PTPRG: variants seen among roughly 807,000 people sequenced by gnomAD.
PTPRG encodes receptor-type tyrosine-protein phosphatase gamma.
In PTPRG, 102 loss-of-function variants were observed where a neutral mutation model predicts 165.3. The ratio of observed to expected loss-of-function variants is 0.62; its 90% CI spans 0.53 to 0.73. The LOEUF is 0.73. Among genes scored for constraint, PTPRG ranks in the 30% least tolerant of loss-of-function variants. The probability of loss-of-function intolerance (pLI) is 0.00; values close to 1 mark genes in which losing one functional copy is unlikely to be tolerated. For synonymous variants in PTPRG, 675 were observed against 669.5 expected (o/e 1.01, Z -0.13); for missense variants, 1,866 against 1,861.4 (o/e 1.00, Z -0.05).
chr3:62,129,739 A>G (rs79082051), intron 5 of PTPRG, among the ~76,000 whole-genome samples: 1 of 152,226 alleles, frequency 6.6e-6, no homozygotes, highest in Non-Finnish European at 1.5e-5. Context: ...TTGGGGATAC[A>G]TTCAAACCAT....
At chr3:62,142,032 A>G (rs1703950458) in intron 6 of PTPRG, among the ~76,000 whole-genome samples, 4 of 151,254 alleles carry the variant, frequency 2.6e-5, no homozygotes, top group African/African-American at 9.7e-5. Context: ...AGAATAGAAC[A>G]TTTCACCACG....
intron 1 of PTPRG, among the ~76,000 whole-genome samples, chr3:61,580,232 A>T (rs1460709538): frequency 6.6e-6 from 1 of 152,142 alleles, no homozygotes; most frequent in Non-Finnish European, 1.5e-5. Context: ...GTCGGAGCCC[A>T]GGAGTTTGCA....
At chr3:61,838,682 C>G (rs886477052) in intron 2 of PTPRG, among the ~76,000 whole-genome samples, 2 of 152,150 alleles carry the variant, frequency 1.3e-5, no homozygotes, top group African/African-American at 4.8e-5. Flanking sequence ...AGTTTTATTT[C>G]AATAACACTG....
intron 1 of PTPRG, among the ~76,000 whole-genome samples, chr3:61,611,470 A>G (rs956038611): frequency 4.7e-4 from 71 of 152,142 alleles, no homozygotes; most frequent in African/African-American, 1.7e-3. Flanking sequence ...GACTTTATGT[A>G]TGTTGTGCCA....
rs570020848 is a variant in PTPRG, at chr3:61,746,109, C to T, written c.86-2769C>T. Among the ~76,000 whole-genome samples, 411 of 148,132 alleles carry T rather than the reference C, an allele frequency of 2.8e-3. 1 individual carries two copies. The highest frequency in any genetic ancestry group is 3.2e-3 in the Non-Finnish European group (215 of 67,490). ...TGTTGCCCAGGCTGGAGTGGAGTGG[C>T]ACAATCACGGCTCACTTGAGCCTCC... On this transcript the variant is annotated intron_variant, in intron 1 of 29. Coordinates refer to ENST00000474889, the MANE Select transcript of PTPRG (RefSeq NM_002841.4).
intron 4 of PTPRG, among the ~76,000 whole-genome samples, chr3:62,022,211 T>TAG (rs1453673712): frequency 1.3e-5 from 2 of 152,210 alleles, no homozygotes; most frequent in African/African-American, 4.8e-5. Flanking sequence ...ACTATGTATG[T>TAG]TATAGGTGAC....
chr3:61,904,374 G>A (rs2038587505), intron 2 of PTPRG, among the ~76,000 whole-genome samples: 1 of 152,176 alleles, frequency 6.6e-6, no homozygotes, highest in African/African-American at 2.4e-5. Context: ...CTCTAAAGCA[G>A]GGTCAGTGGT....
At chr3:61,887,039 A>T (rs1041719928) in intron 2 of PTPRG, among the ~76,000 whole-genome samples, 1 of 149,346 alleles carries the variant, frequency 6.7e-6, no homozygotes, top group Non-Finnish European at 1.5e-5. Flanking sequence ...CGCCACTAGT[A>T]AGAGGAAACA....
intron 2 of PTPRG, among the ~76,000 whole-genome samples, chr3:61,819,064 TAAGG>T (rs1281592906): frequency 2.0e-5 from 3 of 152,140 alleles, no homozygotes; most frequent in Admixed American, 2.0e-4. Flanking sequence ...TCTGTCACTA[TAAGG>T]AAAGGAAAAT....
chr3:62,021,482 A>G (rs541155523), intron 4 of PTPRG, among the ~76,000 whole-genome samples: 1 of 152,320 alleles, frequency 6.6e-6, no homozygotes, highest in East Asian at 1.9e-4. Flanking sequence ...AGCCAAAAAT[A>G]TATGTTTATG....
intron 1 of PTPRG, among the ~76,000 whole-genome samples, chr3:61,614,868 T>A (rs571743108): frequency 2.0e-5 from 3 of 152,238 alleles, no homozygotes; most frequent in Admixed American, 6.5e-5. Context: ...TTATTATGTC[T>A]GCCCTTTGGA....
intron 12 of PTPRG, among the ~76,000 whole-genome samples, chr3:62,209,488 A>G (rs960210250): frequency 1.1e-4 from 17 of 152,266 alleles, no homozygotes; most frequent in Non-Finnish European, 1.5e-4. Flanking sequence ...TCATGAATGC[A>G]GTACCCAGCT....
At chr3:61,611,661 A>G (rs1394231927) in intron 1 of PTPRG, among the ~76,000 whole-genome samples, 1 of 152,204 alleles carries the variant, frequency 6.6e-6, no homozygotes, top group East Asian at 1.9e-4. Context: ...TAAAGAGCCC[A>G]ATAGACATTT....
In PTPRG at chr3:61,984,782, A is replaced by G. The variant is rs1250865771; in HGVS notation, c.191-4843A>G. ...CAATCTAGAGCACCACATTCTATTT[A>G]TTGTCTGTGTCTCCTTAATCTTCTC... On this transcript the variant is annotated intron_variant, in intron 2 of 29. Coordinates refer to ENST00000474889, the MANE Select transcript of PTPRG (RefSeq NM_002841.4). 2.6e-5 allele frequency among the ~76,000 whole-genome samples: 4 copies of G among 152,142 alleles called. No homozygotes were observed. In the South Asian group the frequency reaches 8.3e-4, roughly 32 times the overall value.
At chr3:61,829,458 G>C (rs769525958) in intron 2 of PTPRG, among the ~76,000 whole-genome samples, 2 of 152,224 alleles carry the variant, frequency 1.3e-5, no homozygotes, top group South Asian at 2.1e-4. Context: ...CACTTAGCCC[G>C]ATCACTGCCT....
chr3:61,945,177 G>A (rs1317046146), intron 2 of PTPRG, among the ~76,000 whole-genome samples: 3 of 152,110 alleles, frequency 2.0e-5, no homozygotes, highest in Admixed American at 6.5e-5. Context: ...CAAATTGTAA[G>A]CAAAATACCA....
chr3:61,866,598 T>C (rs1559657067), intron 2 of PTPRG, among the ~76,000 whole-genome samples: 5 of 93,020 alleles, frequency 5.4e-5, no homozygotes, highest in African/African-American at 1.3e-4. Flanking sequence ...TTTTTTTTTT[T>C]TTTTTTTTTT....
At chr3:62,103,039 A>G (rs1438474644) in intron 5 of PTPRG, among the ~76,000 whole-genome samples, 3 of 152,186 alleles carry the variant, frequency 2.0e-5, no homozygotes, top group Admixed American at 6.5e-5. Flanking sequence ...CTTTTATGAC[A>G]TCCTGCTTCT....
rs556840078 is a variant in PTPRG at position 61,671,892 on chromosome 3, G to C, written c.86-76986G>C. The stretch of plus-strand genomic sequence containing the variant: ...CCGGACTGGGCGGCTGGATGGGCGG[G>C]GGGGGCTGATCCCCCCACCTCCCTC... On this transcript the variant is annotated intron_variant, in intron 1 of 29. Coordinates refer to ENST00000474889, the MANE Select transcript of PTPRG (RefSeq NM_002841.4). Among the ~76,000 whole-genome samples, 352 of 147,796 alleles carry C rather than the reference G, an allele frequency of 2.4e-3. 2 individuals carry two copies. The highest frequency in any genetic ancestry group is 4.2e-3 in the Non-Finnish European group (283 of 66,678).
Sources: gnomAD v4.1 joint callset for allele counts (sites outside exome capture counted in the v4.1 genomes callset) on GRCh38, gnomAD v4.1.1 for gene constraint, MANE v1.5 for transcripts, NCBI Gene and HGNC (gene_info 2026-07-23, HGNC 2026-07-21) for gene names.